THBS4: variants seen among roughly 807,000 people sequenced by gnomAD.
The protein encoded by THBS4 is thrombospondin 4.
THBS4 carries 90 observed loss-of-function variants against 115.7 expected under a neutral mutation model. That is an observed-to-expected ratio of 0.78 (90% CI 0.66 to 0.93). The LOEUF (loss-of-function observed/expected upper bound fraction) is 0.93. THBS4 is among the 40% of genes least tolerant of loss of function. THBS4 has a pLI of 0.00. For missense variants in THBS4, 1,087 were observed against 1,232.7 expected (o/e 0.88, Z 1.77); for synonymous variants, 460 against 479.3 (o/e 0.96, Z 0.53).
intron 2 of THBS4, among the ~76,000 whole-genome samples, chr5:80,018,194 A>G (rs1160570260): frequency 2.6e-5 from 4 of 151,916 alleles, no homozygotes; most frequent in Admixed American, 2.6e-4. Context: ...AGGTGTATGG[A>G]CTTTTTCAAA....
At chr5:80,004,519 G>A (rs944583202) in intron 2 of THBS4, among the ~76,000 whole-genome samples, 1 of 152,160 alleles carries the variant, frequency 6.6e-6, no homozygotes, top group Non-Finnish European at 1.5e-5. Flanking sequence ...TGGCCTACGG[G>A]TTTGATTTAG....
At chr5:80,048,340 T>C (rs1833141035) in intron 2 of THBS4, among the ~76,000 whole-genome samples, 1 of 152,198 alleles carries the variant, frequency 6.6e-6, no homozygotes, top group South Asian at 2.1e-4. Flanking sequence ...TTACTGGAAA[T>C]GTGCTGGTAG....
chr5:80,035,568 C>A lies in THBS4; in HGVS notation c.31C>A (p.Leu11Met). The change falls in exon 1 of 22, where the codon CTG becomes ATG. Residue 11 changes from leucine (L) to methionine (M), a missense_variant. By Grantham distance (15) the Leu-to-Met change is conservative (BLOSUM62 2). Around this residue, in one of 3 missense-constraint regions of THBS4, gnomAD observed 979 missense variants for 1,103.7 expected, o/e 0.89. Coordinates refer to ENST00000350881, the MANE Select transcript of THBS4 (RefSeq NM_003248.6). This position sits in a 1 kb window ranked among gnomAD's most constrained non-coding sequence, Gnocchi z 4.6. The stretch of plus-strand genomic sequence containing the variant: ...GGCCCCGCGCGGAGCCGCCGTCCTC[C>A]TGCTGCACCTGGTCCTGCAGCGGTG... MLAPRGAAVL[L>M]LHLVLQRWLA... 1 of 1,434,864 alleles carries A rather than the reference C, an allele frequency of 7.0e-7. No homozygotes were observed. The allele number at this position is 1,434,864 out of a possible 1,614,324, so 88.9% of individuals were successfully genotyped here. A position where few individuals can be genotyped will look rare whatever the true frequency, so the allele number is the denominator to read the frequency against.
chr5:80,055,978 C>T lies in THBS4; in HGVS notation c.486C>T (p.Gly162=), dbSNP rs763852193. ...ACAATCTCCCCAGGGCCTTTGCTGG[C>T]CCCTCCCAGAAACCTGAGACCATTG... ...SVHNLPRAFA[G]PSQKPETIEL... is the part of the protein sequence containing the mutation. Residue 162 remains glycine, a synonymous_variant, in exon 3 of 22, where the codon GGC becomes GGT. Transcript: ENST00000350881. 1 of 1,613,776 alleles carries T rather than the reference C, an allele frequency of 6.2e-7. No individual in the cohort carries two copies. The highest frequency in any genetic ancestry group is 1.7e-5 in the Admixed American group (1 of 60,022).
Position 80,024,369 on chromosome 5 carries a change from A to C in THBS4, n.178-15708A>C, listed in dbSNP as rs139567456. Among the ~76,000 whole-genome samples, 35 of 152,328 alleles carry C rather than the reference A, an allele frequency of 2.3e-4. No individual in the cohort carries two copies. In the East Asian group the frequency reaches 5.4e-3, roughly 23 times the overall value. On this transcript the variant is annotated intron_variant and non_coding_transcript_variant, in intron 2 of 3. Transcript: ENST00000510218. The stretch of plus-strand genomic sequence containing the variant: ...ATCATGCATCCTGGGAATCAGTTTC[A>C]GGTCCCTGAAGTCAGAAGCCCAATG...
chr5:80,032,592 G>A (rs1432360187), upstream of THBS4, among the ~76,000 whole-genome samples: 1 of 152,226 alleles, frequency 6.6e-6, no homozygotes, highest in African/African-American at 2.4e-5. Flanking sequence ...GTGGCTGAAG[G>A]CCCAACAGCC....
chr5:80,003,803 ATAGT>A (rs537023208), intron 2 of THBS4, among the ~76,000 whole-genome samples: 96 of 152,340 alleles, frequency 6.3e-4, no homozygotes, highest in Admixed American at 1.6e-3. Context: ...AGTTGTCTGC[ATAGT>A]TAATCGTCCT....
In THBS4 at chr5:80,024,068, A is replaced by AT. The variant is rs1459552178; in HGVS notation, n.178-16008dup. Among the ~76,000 whole-genome samples the AT allele has an allele frequency of 2.3e-4, 35 of 152,266 alleles. No homozygotes were observed. The East Asian group carries it at 6.8e-3, about 29-fold the overall frequency. ...TCTCCAAACCATAGCACCCACAAAA[A>AT]TAAAGATAATAATAAGGAAACCACC... On this transcript the variant is annotated intron_variant and non_coding_transcript_variant, in intron 2 of 3. Transcript: ENST00000510218.
chr5:80,079,428 G>A (rs1238934029), intron 19 of THBS4, among the ~76,000 whole-genome samples, 170 bp downstream of exon 19: 1 of 152,206 alleles, frequency 6.6e-6, no homozygotes, highest in African/African-American at 2.4e-5. Flanking sequence ...ATTCCTGTGT[G>A]CCAGCTACAT....
chr5:80,065,566 T>C, intron 9 of THBS4, 89 bp downstream of exon 9: 1 of 1,225,804 alleles, frequency 8.2e-7, no homozygotes, highest in Non-Finnish European at 1.1e-6. Flanking sequence ...CAAACACACC[T>C]AGAACATGTG....
intron 2 of THBS4, among the ~76,000 whole-genome samples, chr5:80,011,814 A>G (rs1203837065): frequency 1.3e-5 from 2 of 150,266 alleles, no homozygotes; most frequent in Non-Finnish European, 2.9e-5. Context: ...AAGACCTGCT[A>G]CATATCAGAA....
At chr5:80,029,292 G>A (rs1320495105) in intron 2 of THBS4, among the ~76,000 whole-genome samples, 4 of 152,132 alleles carry the variant, frequency 2.6e-5, no homozygotes, top group Non-Finnish European at 5.9e-5. Context: ...TTCCTGGCAC[G>A]ATAATCATTG....
chr5:80,065,990 G>A (rs1833807755), intron 9 of THBS4, among the ~76,000 whole-genome samples: 1 of 151,660 alleles, frequency 6.6e-6, no homozygotes. Context: ...AGCTACTCTG[G>A]AGGCTGAAGC....
chr5:80,081,669 G>A (rs1174741895), intron 20 of THBS4, among the ~76,000 whole-genome samples: 4 of 152,104 alleles, frequency 2.6e-5, no homozygotes, highest in African/African-American at 4.8e-5. Flanking sequence ...AATTTACCCT[G>A]GAAAATATAG....
intron 14 of THBS4, 77 bp from the exon 15 acceptor site, chr5:80,073,198 G>A (rs967089378): frequency 7.0e-7 from 1 of 1,433,336 alleles, no homozygotes; most frequent in Non-Finnish European, 9.8e-7. Flanking sequence ...CAATGATGAT[G>A]GGTGAGGTCT....
At position 80,036,188 on chromosome 5, in the gene THBS4, A is replaced by C. The variant is rs892386006; in HGVS notation, c.88+563A>C. 25 of 985,360 alleles carry C rather than the reference A, an allele frequency of 2.5e-5. No homozygotes were observed. The African/African-American group carries it at 4.4e-4, about 17-fold the overall frequency. The allele number at this position is 985,360 out of a possible 1,614,324, so 61.0% of individuals were successfully genotyped here. On this transcript the variant is annotated intron_variant, in intron 1 of 21. Coordinates refer to ENST00000350881, the MANE Select transcript of THBS4 (RefSeq NM_003248.6). ...GTCTTAATTTCTGAGGTAAATAGGA[A>C]GGGCTGAGAAACTGGTCTTTTTCAA...
In THBS4 at chr5:80,071,121, A is replaced by G. The variant is rs1212965656; in HGVS notation, c.1661A>G (p.Gln554Arg). The G allele has an allele frequency of 6.2e-7, 1 of 1,609,264 alleles. No individual in the cohort carries two copies. Among genetic ancestry groups the G allele is most frequent in the Non-Finnish European group, 8.5e-7 (1 of 1,178,944 alleles). The change falls in exon 13 of 22, where the codon CAG becomes CGG. Residue 554 changes from glutamine (Q) to arginine (R), a missense_variant. By Grantham distance (43) the Gln-to-Arg change is conservative. Coordinates refer to ENST00000350881, the MANE Select transcript of THBS4 (RefSeq NM_003248.6). ...DNCLSVLNND[Q>R]KDTDGDGRGD... The stretch of plus-strand genomic sequence containing the variant: ...TGCCTGAGTGTCTTAAATAACGACC[A>G]GAAAGACACCGATGGGGATGGAAGA...
At chr5:80,050,399 C>T (rs556968119) in intron 2 of THBS4, among the ~76,000 whole-genome samples, 65 of 151,840 alleles carry the variant, frequency 4.3e-4, no homozygotes, top group Non-Finnish European at 9.0e-4. Flanking sequence ...CATAGTGGGT[C>T]AAAGTTAGGT....
In THBS4 at chr5:80,072,393, C is replaced by A. The variant is rs751670396; in HGVS notation, c.1836C>A (p.Asn612Lys). Reference protein sequence around the residue: ...CDSCPDVSNPNQSDVDNDLVG... With the variant: ...CDSCPDVSNPKQSDVDNDLVG... Reference sequence around the variant, plus strand: ...GTTGTCCTGATGTCAGCAACCCTAACCAGGTTAGTAGGATACTGGGGAATT... The same window carrying A: ...GTTGTCCTGATGTCAGCAACCCTAAACAGGTTAGTAGGATACTGGGGAATT... Residue 612 changes from asparagine to lysine, a missense_variant, in exon 14 of 22, where the codon AAC (asparagine) becomes AAA (lysine). Coordinates refer to ENST00000350881, the MANE Select transcript of THBS4 (RefSeq NM_003248.6). 4 of 1,613,338 alleles carry A rather than the reference C, an allele frequency of 2.5e-6. No homozygotes were observed. The highest frequency in any genetic ancestry group is 3.4e-6 in the Non-Finnish European group (4 of 1,179,422).
Sources: allele counts gnomAD v4.1 joint callset (sites outside exome capture counted in the v4.1 genomes callset), GRCh38; gene constraint gnomAD v4.1.1; regional missense constraint gnomAD v4.1.1; non-coding constraint Gnocchi (gnomAD v3.1); transcripts MANE v1.5; gene names NCBI Gene and HGNC (gene_info 2026-07-23, HGNC 2026-07-21).